Variants in KLHL24 observed in about 807,000 individuals in gnomAD.
KLHL24 encodes kelch-like protein 24.
A neutral mutation model predicts 53.4 loss-of-function variants in KLHL24; 29 were observed. The observed-to-expected ratio is 0.54, with a 90% CI of 0.40 to 0.74. KLHL24 has a LOEUF of 0.74. KLHL24 is among the 30% of genes least tolerant of loss of function. KLHL24 has a pLI of 0.00. For synonymous variants in KLHL24, 222 were observed against 253.7 expected (o/e 0.88, Z 1.19); for missense variants, 504 against 744.0 (o/e 0.68, Z 3.75).
At chr3:183,671,358 G>A in intron 6 of KLHL24, 136 bp downstream of exon 6, 2 of 603,874 alleles carry the variant, frequency 3.3e-6, no homozygotes, top group Non-Finnish European at 5.5e-6. Context: ...TGCTTTTGGA[G>A]AAAAACATTG....
intron 5 of KLHL24, among the ~76,000 whole-genome samples, chr3:183,666,332 G>A (rs920328123): frequency 2.0e-5 from 3 of 152,028 alleles, no homozygotes; most frequent in African/African-American, 7.2e-5. Context: ...TGCCATCACT[G>A]CTCACTACAG....
At chr3:183,674,259 C>CTT (rs1173322355) in intron 7 of KLHL24, among the ~76,000 whole-genome samples, 23 of 146,774 alleles carry the variant, frequency 1.6e-4, no homozygotes, top group African/African-American at 5.9e-4. Context: ...TTCTTTCTTT[C>CTT]TTTCTTTCTT....
At position 183,671,459 on chromosome 3, in the gene KLHL24, T is replaced by C. The variant is rs188747137; in HGVS notation, c.1413+237T>C. On this transcript the variant is annotated intron_variant, in intron 6 of 7. Transcript: ENST00000242810. ...TCTTTTTGAAATGAGACTATCTGTG[T>C]AGAAGTTTTCTACTAAATAAATTGT... 1.1e-3 allele frequency among the ~76,000 whole-genome samples: 167 copies of C among 152,336 alleles called. 1 individual carries two copies. Among genetic ancestry groups the C allele is most frequent in the African/African-American group, 3.8e-3 (157 of 41,580 alleles).
intron 7 of KLHL24, 156 bp downstream of exon 7, chr3:183,672,640 A>G: frequency 4.6e-6 from 2 of 434,574 alleles, no homozygotes; most frequent in Non-Finnish European, 8.0e-6. Context: ...CGAGGTGGAT[A>G]GATCACTTGA....
intron 7 of KLHL24, among the ~76,000 whole-genome samples, chr3:183,674,953 A>G (rs1383257091): frequency 1.3e-5 from 2 of 152,192 alleles, no homozygotes; most frequent in Non-Finnish European, 2.9e-5. Flanking sequence ...CTTCAGTACA[A>G]CAGAGTTTAA....
intron 7 of KLHL24, among the ~76,000 whole-genome samples, chr3:183,673,828 T>C (rs1721698236): frequency 6.6e-6 from 1 of 152,194 alleles, no homozygotes; most frequent in African/African-American, 2.4e-5. Context: ...CTCTTCCCAG[T>C]TTATACTCTT....
At chr3:183,655,817 GA>G (rs1452112677) in intron 3 of KLHL24, among the ~76,000 whole-genome samples, 1 of 151,994 alleles carries the variant, frequency 6.6e-6, no homozygotes, top group African/African-American at 2.4e-5. Context: ...ATCTACTCGG[GA>G]GGCTGAGGAG....
chr3:183,670,509 AGGTATTGTAC>A (rs1448936977), intron 5 of KLHL24, among the ~76,000 whole-genome samples: 4 of 152,218 alleles, frequency 2.6e-5, no homozygotes, highest in Non-Finnish European at 5.9e-5. Flanking sequence ...GTACTTTTCT[AGGTATTGTAC>A]GGACTAAAAG....
At chr3:183,666,002 A>T (rs1424859102) in intron 5 of KLHL24, among the ~76,000 whole-genome samples, 1 of 151,106 alleles carries the variant, frequency 6.6e-6, no homozygotes, top group Non-Finnish European at 1.5e-5. Context: ...CCTGCCTCAG[A>T]CACCTGAGTA....
At chr3:183,636,905 C>T (rs1199534297) in intron 1 of KLHL24, among the ~76,000 whole-genome samples, 1 of 152,124 alleles carries the variant, frequency 6.6e-6, no homozygotes, top group African/African-American at 2.4e-5. Flanking sequence ...CCTGATCCTG[C>T]AGGCAGTTCT....
intron 5 of KLHL24, among the ~76,000 whole-genome samples, chr3:183,668,057 A>G (rs528904282): frequency 5.1e-4 from 76 of 148,750 alleles, no homozygotes; most frequent in Non-Finnish European, 1.0e-3. Flanking sequence ...ACCTGGATCT[A>G]GTGTGCTGCT....
In KLHL24 at chr3:183,679,999, T is replaced by C. The variant is rs906277988; in HGVS notation, c.*713T>C. 1.2e-4 allele frequency: 19 copies of C among 152,190 alleles called. No individual in the cohort carries two copies. Among genetic ancestry groups the C allele is most frequent in the Admixed American group, 9.2e-4 (14 of 15,280 alleles). The allele number at this position is 152,190 out of a possible 1,614,324, so 9.4% of individuals were successfully genotyped here. ...GTTAATTCCTAAGAGAAAAATGGAA[T>C]GGCCTTTGAAGGAAAAATGACCCAC... is the stretch of plus-strand genomic sequence containing the variant. On this transcript the variant is annotated 3_prime_UTR_variant, in exon 8 of 8. Transcript: ENST00000242810.
At chr3:183,672,090 T>C (rs1032018764) in intron 6 of KLHL24, among the ~76,000 whole-genome samples, 7 of 152,206 alleles carry the variant, frequency 4.6e-5, no homozygotes, top group African/African-American at 1.7e-4. Context: ...TGTTTGGTAC[T>C]CTATTCTGCT....
chr3:183,643,243 A>G (rs1046819625), intron 1 of KLHL24: 3 of 152,238 alleles, frequency 2.0e-5, no homozygotes, highest in African/African-American at 7.2e-5. Flanking sequence ...AAAACAAACA[A>G]AAAAACTGTC....
At chr3:183,639,939 C>A (rs1716102019) in intron 1 of KLHL24, among the ~76,000 whole-genome samples, 1 of 151,990 alleles carries the variant, frequency 6.6e-6, no homozygotes, top group Non-Finnish European at 1.5e-5. Context: ...GCAGGAGAAT[C>A]ACTTGAACCC....
At chr3:183,656,782 G>A (rs552200591) in intron 3 of KLHL24, among the ~76,000 whole-genome samples, 6 of 151,920 alleles carry the variant, frequency 3.9e-5, no homozygotes, top group Non-Finnish European at 5.9e-5. Flanking sequence ...ATTCTGGGCC[G>A]GGCGCAGTGG....
intron 7 of KLHL24, among the ~76,000 whole-genome samples, chr3:183,673,427 C>T (rs1007513516): frequency 6.6e-6 from 1 of 151,884 alleles, no homozygotes; most frequent in African/African-American, 2.4e-5. Flanking sequence ...AATCCTACTC[C>T]AGTATTTATC....
chr3:183,667,792 C>T (rs145191746), intron 5 of KLHL24, among the ~76,000 whole-genome samples: 140 of 152,180 alleles, frequency 9.2e-4, no homozygotes, highest in Non-Finnish European at 1.3e-3. Context: ...TCATGGCTCA[C>T]TGCAGCCTGG....
Position 183,646,613 on chromosome 3 carries a change from G to C in KLHL24, c.-62+3071G>C, listed in dbSNP as rs201511801. ...CCAGGTATTTTTCCCTGAATGGTCA[G>C]AATAACCTGGCATATATCTGTCCAG... is the stretch of plus-strand genomic sequence containing the variant. On this transcript the variant is annotated intron_variant, in intron 2 of 7. Transcript: ENST00000242810. 1.4e-4 allele frequency among the ~76,000 whole-genome samples: 21 copies of C among 152,182 alleles called. No individual in the cohort carries two copies. The East Asian group carries it at 3.7e-3, about 27-fold the overall frequency.
Sources: allele counts gnomAD v4.1 joint callset (sites outside exome capture counted in the v4.1 genomes callset), GRCh38; gene constraint gnomAD v4.1.1; transcripts MANE v1.5; gene names NCBI Gene and HGNC (gene_info 2026-07-23, HGNC 2026-07-21).